MOB4: variants seen among roughly 807,000 people sequenced by gnomAD.
MOB4 encodes the protein MOB family member 4, phocein.
Under a neutral mutation model 32.2 loss-of-function variants are expected in MOB4, and 4 were observed. That is an observed-to-expected ratio of 0.12 (90% CI 0.06 to 0.28). The LOEUF is 0.28. MOB4 is among the 10% of genes least tolerant of loss of function. The pLI is 1.00. For synonymous variants in MOB4, 88 were observed against 88.1 expected (o/e 1.00, Z 0.01); for missense variants, 158 against 271.2 (o/e 0.58, Z 2.93).
upstream of MOB4, chr2:197,516,002 G>T (rs1574617720): frequency 2.2e-5 from 31 of 1,396,264 alleles, no homozygotes; most frequent in East Asian, 8.3e-4. Context: ...CCTCCCAGAC[G>T]CAGAGCGCCG....
chr2:197,520,008 A>C (rs1331073905), intron 1 of MOB4, among the ~76,000 whole-genome samples: 1 of 152,152 alleles, frequency 6.6e-6, no homozygotes, highest in Non-Finnish European at 1.5e-5. Flanking sequence ...AAAAAGATGA[A>C]ATGTTTAAGA....
In MOB4 at chr2:197,551,329, C is replaced by G. The variant is rs2087094182; in HGVS notation, c.*683C>G. 6.6e-6 allele frequency: 1 copy of G among 152,670 alleles called. No homozygotes were observed. The highest frequency in any genetic ancestry group is 1.5e-5 in the Non-Finnish European group (1 of 68,022). The allele number at this position is 152,670 out of a possible 1,614,324, so 9.5% of individuals were successfully genotyped here. On this transcript the variant is annotated 3_prime_UTR_variant, in exon 8 of 8. Transcript: ENST00000323303. The stretch of plus-strand genomic sequence containing the variant: ...TGGTAAGGCACATAAATTATTTTCC[C>G]ACTGGAAACCTGCCCTGTCCACCCC...
chr2:197,550,241 T>A (rs750632130), intron 6 of MOB4, 34 bp from the exon 7 acceptor site: 11 of 1,581,532 alleles, frequency 7.0e-6, no homozygotes, highest in Non-Finnish European at 9.5e-6. Context: ...TTCTATCCAG[T>A]TCTAAGAATC....
At chr2:197,535,941 C>G (rs1217822921) in intron 3 of MOB4, among the ~76,000 whole-genome samples, 3 of 149,650 alleles carry the variant, frequency 2.0e-5, no homozygotes, top group Non-Finnish European at 4.4e-5. Context: ...ACTCTCTTGC[C>G]CACGTTGGAG....
intron 5 of MOB4, among the ~76,000 whole-genome samples, chr2:197,543,982 C>T (rs1471547603): frequency 8.6e-5 from 13 of 151,876 alleles, no homozygotes; most frequent in South Asian, 6.2e-4. Flanking sequence ...TCATGTGATC[C>T]GCCCACCTCA....
chr2:197,517,295 G>A (rs1453757068), intron 1 of MOB4, among the ~76,000 whole-genome samples: 1 of 152,166 alleles, frequency 6.6e-6, no homozygotes, highest in Non-Finnish European at 1.5e-5. Flanking sequence ...GAATTTCAGA[G>A]AAAATTTTAA....
chr2:197,545,368 A>C (rs1242674879), intron 5 of MOB4, among the ~76,000 whole-genome samples: 4 of 152,222 alleles, frequency 2.6e-5, no homozygotes, highest in Admixed American at 2.6e-4. Flanking sequence ...TATAAATGCT[A>C]TATAAATAGT....
intron 2 of MOB4, among the ~76,000 whole-genome samples, chr2:197,533,020 A>T (rs1174197673): frequency 6.6e-6 from 1 of 151,792 alleles, no homozygotes; most frequent in East Asian, 1.9e-4. Flanking sequence ...GATCACTTGA[A>T]CCCGGAAGGC....
chr2:197,528,616 CT>C (rs60927398), intron 2 of MOB4, among the ~76,000 whole-genome samples: 29,705 of 131,004 alleles, frequency 0.23, 2,296 homozygotes, highest in East Asian at 0.41. Context: ...TTTTCTTTTT[CT>C]TTTTTTTTTT....
chr2:197,525,488 T>TACTTTGGGAGGCCGAGGAGGGAGGATC (rs2086596337), intron 2 of MOB4, among the ~76,000 whole-genome samples: 1 of 151,970 alleles, frequency 6.6e-6, no homozygotes, highest in Non-Finnish European at 1.5e-5. Flanking sequence ...GTAATCTTAG[T>TACTTTGGGAGGCCGAGGAGGGAGGATC]ACTTTGGGAG....
At chr2:197,529,486 G>A (rs1380836571) in intron 2 of MOB4, among the ~76,000 whole-genome samples, 1 of 151,780 alleles carries the variant, frequency 6.6e-6, no homozygotes, top group Non-Finnish European at 1.5e-5. Context: ...CCAGTAGCTG[G>A]GACTACAGGT....
chr2:197,537,621 G>A (rs2086824616), intron 3 of MOB4, among the ~76,000 whole-genome samples: 1 of 152,094 alleles, frequency 6.6e-6, no homozygotes, highest in Non-Finnish European at 1.5e-5. Flanking sequence ...CAAATTACTT[G>A]ACTATTTTCT....
chr2:197,537,243 A>G (rs1323113651), intron 3 of MOB4, among the ~76,000 whole-genome samples: 1 of 152,226 alleles, frequency 6.6e-6, no homozygotes, highest in African/African-American at 2.4e-5. Flanking sequence ...TGGAGATAAC[A>G]TTAAAAGTAG....
At chr2:197,526,010 A>G (rs571407713) in intron 2 of MOB4, among the ~76,000 whole-genome samples, 6 of 152,278 alleles carry the variant, frequency 3.9e-5, no homozygotes, top group African/African-American at 9.6e-5. Context: ...TACTTCTCCA[A>G]TCTAGATCTG....
intron 3 of MOB4, among the ~76,000 whole-genome samples, chr2:197,536,126 T>G (rs1256134292): frequency 6.6e-6 from 1 of 152,112 alleles, no homozygotes; most frequent in East Asian, 1.9e-4. Context: ...CTCAAACTCC[T>G]GGATTCAAGC....
intron 5 of MOB4, among the ~76,000 whole-genome samples, chr2:197,540,907 C>CT (rs796486070): frequency 1.4e-3 from 206 of 142,390 alleles, no homozygotes; most frequent in East Asian, 5.3e-3. Context: ...TTGTTTTGCT[C>CT]TTTTTTTTTT....
intron 2 of MOB4, among the ~76,000 whole-genome samples, chr2:197,531,442 A>G (rs1236354288): frequency 1.3e-5 from 2 of 152,012 alleles, no homozygotes; most frequent in Middle Eastern, 3.2e-3. Flanking sequence ...ATCTTCCCCA[A>G]CTGAAATTCT....
At chr2:197,550,229 G>A in intron 6 of MOB4, 46 bp from the exon 7 acceptor site, 1 of 1,546,252 alleles carries the variant, frequency 6.5e-7, no homozygotes. Context: ...TTGTTCCTAA[G>A]ATTCTATCCA....
intron 1 of MOB4, among the ~76,000 whole-genome samples, chr2:197,517,342 T>G (rs528989263): frequency 5.3e-5 from 8 of 152,340 alleles, no homozygotes; most frequent in Admixed American, 5.2e-4. Context: ...TGTCAGTTAT[T>G]CCTACTGACA....
Sources: allele counts gnomAD v4.1 joint callset (sites outside exome capture counted in the v4.1 genomes callset), GRCh38; gene constraint gnomAD v4.1.1; transcripts MANE v1.5; gene names NCBI Gene and HGNC (gene_info 2026-07-23, HGNC 2026-07-21).